Variants in ROR2 observed in about 807,000 individuals in gnomAD.
The protein encoded by ROR2 is tyrosine-protein kinase transmembrane receptor ROR2.
A neutral mutation model predicts 74.9 loss-of-function variants in ROR2; 33 were observed. The ratio of observed to expected loss-of-function variants is 0.44; its 90% confidence interval spans 0.33 to 0.59. The LOEUF is 0.59. Ranked by LOEUF, ROR2 falls within the 20% of genes least tolerant of loss-of-function variation. ROR2 has a pLI of 0.02. For synonymous variants in ROR2, 586 were observed against 558.7 expected, an observed-to-expected ratio of 1.05 and a Z score of -0.69; for missense variants, 1,216 against 1,313.8, an observed-to-expected ratio of 0.93 and a Z score of 1.15.
At chr9:91,890,098 C>G (rs925674719) in intron 1 of ROR2, among the ~76,000 whole-genome samples, 9 of 152,174 alleles carry the variant, frequency 5.9e-5, no homozygotes, top group Non-Finnish European at 1.3e-4. Flanking sequence ...CAGAGGTGTT[C>G]TTAGGATGGA....
At chr9:91,814,526 G>A (rs1827864755) in intron 1 of ROR2, among the ~76,000 whole-genome samples, 1 of 152,100 alleles carries the variant, frequency 6.6e-6, no homozygotes, top group Admixed American at 6.6e-5. Context: ...CATGACTTCT[G>A]AACACAAAAA....
intron 1 of ROR2, among the ~76,000 whole-genome samples, chr9:91,867,656 CTGTG>C (rs57475950): frequency 0.026 from 3,426 of 131,320 alleles, 46 homozygotes; most frequent in East Asian, 0.048. Context: ...CACCCATGAG[CTGTG>C]TGTGTGTGTG....
intron 1 of ROR2, among the ~76,000 whole-genome samples, chr9:91,867,798 C>G (rs1302295033): frequency 6.6e-6 from 1 of 151,862 alleles, no homozygotes; most frequent in Non-Finnish European, 1.5e-5. Context: ...GGGACAGATC[C>G]AAGAGCACTA....
At chr9:91,940,188 G>C (rs1831813241) in intron 1 of ROR2, among the ~76,000 whole-genome samples, 1 of 152,166 alleles carries the variant, frequency 6.6e-6, no homozygotes, top group African/African-American at 2.4e-5. Context: ...AGCAGGGCTG[G>C]GTATCAGACA....
At chr9:91,850,006 C>T (rs1257324790) in intron 1 of ROR2, among the ~76,000 whole-genome samples, 1 of 151,776 alleles carries the variant, frequency 6.6e-6, no homozygotes, top group Non-Finnish European at 1.5e-5. Context: ...ATTTCTTTTT[C>T]TCCCACAAAC....
chr9:91,892,507 C>T (rs184282817), intron 1 of ROR2, among the ~76,000 whole-genome samples: 2 of 151,708 alleles, frequency 1.3e-5, no homozygotes, highest in East Asian at 3.9e-4. Flanking sequence ...AAAGAGCTTA[C>T]ACCAGCACCT....
chr9:91,877,626 C>A (rs771982933), intron 1 of ROR2, among the ~76,000 whole-genome samples: 1 of 152,210 alleles, frequency 6.6e-6, no homozygotes, highest in Non-Finnish European at 1.5e-5. Flanking sequence ...AGAGTCAATT[C>A]TCACTCAGCC....
chr9:91,750,325 G>A lies in ROR2; in HGVS notation c.494+5746C>T, dbSNP rs996736753. Among the ~76,000 whole-genome samples the A allele has an allele frequency of 4.6e-5, 7 of 152,150 alleles. 1 individual carries two copies. Among genetic ancestry groups the A allele is most frequent in the Non-Finnish European group, 8.8e-5 (6 of 68,036 alleles). ...GTGAATATTGAGCCACTGTTCCCAG[G>A]GAAAATACAGTTAGTTTTCTGAGAG... On this transcript the variant is annotated intron_variant, in intron 4 of 8. Transcript: ENST00000375708.
intron 3 of ROR2, among the ~76,000 whole-genome samples, chr9:91,756,908 G>A (rs1042811613): frequency 6.6e-6 from 1 of 151,916 alleles, no homozygotes; most frequent in Admixed American, 6.6e-5. Context: ...CCGCCACCAT[G>A]CCAGGCTAAT....
chr9:91,826,795 GA>G (rs910959447), intron 1 of ROR2, among the ~76,000 whole-genome samples: 2 of 125,316 alleles, frequency 1.6e-5, no homozygotes. Context: ...AAAAAAAAAA[GA>G]AAAAAGAAAA....
intron 1 of ROR2, among the ~76,000 whole-genome samples, chr9:91,946,988 G>C (rs1832029081): frequency 6.6e-6 from 1 of 152,174 alleles, no homozygotes; most frequent in Admixed American, 6.5e-5. Flanking sequence ...CAGGCTAACT[G>C]TTTAAGGGGC....
At position 91,881,552 on chromosome 9, in the gene ROR2, T is replaced by TCAAAAAAG. The variant is rs1830111891; in HGVS notation, c.97+68314_97+68315insCTTTTTTG. Among the ~76,000 whole-genome samples, 4 of 152,356 alleles carry TCAAAAAAG rather than the reference T, an allele frequency of 2.6e-5. No individual in the cohort carries two copies. In the South Asian group the frequency reaches 8.3e-4, roughly 32 times the overall value. On this transcript the variant is annotated intron_variant, in intron 1 of 8. Transcript: ENST00000375708. Reference sequence around the variant, plus strand: ...TCAATGCTGTTAAGTGAAGACTTACTGTTAGTACTCCTTTTTTGATGGTGA... The same window carrying TCAAAAAAG: ...TCAATGCTGTTAAGTGAAGACTTACTCAAAAAAGGTTAGTACTCCTTTTTTGATGGTGA...
chr9:91,907,177 G>A (rs569061185), intron 1 of ROR2, among the ~76,000 whole-genome samples: 44 of 152,250 alleles, frequency 2.9e-4, no homozygotes, highest in African/African-American at 1.0e-3. Context: ...GTGATAAACA[G>A]GAAGCCATTT....
intron 1 of ROR2, among the ~76,000 whole-genome samples, chr9:91,883,736 A>AAT (rs948840977): frequency 1.3e-5 from 2 of 152,224 alleles, no homozygotes; most frequent in African/African-American, 4.8e-5. Context: ...AACACACCCC[A>AAT]CCCACTGTAC....
chr9:91,843,385 G>A (rs937835826), intron 1 of ROR2, among the ~76,000 whole-genome samples: 1 of 152,222 alleles, frequency 6.6e-6, no homozygotes, highest in African/African-American at 2.4e-5. Flanking sequence ...GACTCAGATG[G>A]CCCCATCAAG....
chr9:91,796,553 T>C (rs1827176640), intron 1 of ROR2, among the ~76,000 whole-genome samples: 1 of 152,100 alleles, frequency 6.6e-6, no homozygotes, highest in Admixed American at 6.5e-5. Flanking sequence ...GGAGTAGTTG[T>C]GATAATGTCT....
At chr9:91,770,414 C>T (rs1780128093) in intron 2 of ROR2, among the ~76,000 whole-genome samples, 4 of 152,222 alleles carry the variant, frequency 2.6e-5, no homozygotes, top group Admixed American at 2.6e-4. Flanking sequence ...TGGGCGGGGG[C>T]AGGGTGCCTC....
chr9:91,882,454 C>A (rs1177617427), intron 1 of ROR2, among the ~76,000 whole-genome samples: 1 of 151,766 alleles, frequency 6.6e-6, no homozygotes, highest in Non-Finnish European at 1.5e-5. Flanking sequence ...CAATCCACTC[C>A]CCATGAGAGC....
intron 5 of ROR2, 134 bp downstream of exon 5, chr9:91,737,257 T>C (rs1825061668): frequency 8.4e-7 from 1 of 1,187,904 alleles, no homozygotes; most frequent in Non-Finnish European, 1.2e-6. Flanking sequence ...AGATCTCTGG[T>C]TTCTACCACA....
Sources: allele counts gnomAD v4.1 joint callset (sites outside exome capture counted in the v4.1 genomes callset), GRCh38; gene constraint gnomAD v4.1.1; transcripts MANE v1.5; gene names NCBI Gene and HGNC (gene_info 2026-07-23, HGNC 2026-07-21).